The following MDFIC2 variants were observed in gnomAD, a reference collection of about 807,000 sequenced individuals.
The protein encoded by MDFIC2 is myoD family inhibitor domain-containing protein 2.
chr3:70,212,966 G>GTAT (rs1701365716), intron 2 of MDFIC2, among the ~76,000 whole-genome samples: 2 of 151,772 alleles, frequency 1.3e-5, no homozygotes, highest in African/African-American at 2.4e-5. Flanking sequence ...GCTTATTATA[G>GTAT]TATTATTATT....
rs116562610 is a variant in MDFIC2, at chr3:70,304,810, C to A, written c.88+7076G>T. ...CCCGTGGCTTCTAATTCCAAATAGG[C>A]GAAAAAAATATCCAGATTCCCAACT... is the stretch of plus-strand genomic sequence containing the variant. On this transcript the variant is annotated intron_variant, in intron 2 of 3. Transcript: ENST00000567252. Among the ~76,000 whole-genome samples the A allele has an allele frequency of 3.9e-3, 590 of 152,148 alleles. 1 individual carries two copies. The highest frequency in any genetic ancestry group is 5.2e-3 in the Non-Finnish European group (351 of 68,000).
chr3:70,267,578 A>C (rs796413029), intron 2 of MDFIC2, among the ~76,000 whole-genome samples: 1 of 132,806 alleles, frequency 7.5e-6, no homozygotes, highest in Non-Finnish European at 1.5e-5. Flanking sequence ...AATTTTTTGT[A>C]TTTTTTTTTT....
chr3:70,291,621 C>A lies in MDFIC2; in HGVS notation c.88+20265G>T, dbSNP rs57065481. Among the ~76,000 whole-genome samples, 348 of 152,238 alleles carry A rather than the reference C, an allele frequency of 2.3e-3. 2 individuals are homozygous for A. The highest frequency in any genetic ancestry group is 7.9e-3 in the African/African-American group (328 of 41,530). ...GAACATCGGATCCACAAATGACAAA[C>A]CCCTGGCTGTCACTTTCCCCTGTGG... On this transcript the variant is annotated intron_variant, in intron 2 of 3. Transcript: ENST00000567252.
At chr3:70,212,241 A>G (rs1442886929) in intron 2 of MDFIC2, among the ~76,000 whole-genome samples, 2 of 152,148 alleles carry the variant, frequency 1.3e-5, no homozygotes, top group Admixed American at 1.3e-4. Context: ...CAAGAAGCTC[A>G]CAGTAATCAC....
chr3:70,262,399 A>C (rs2106662689), intron 2 of MDFIC2, among the ~76,000 whole-genome samples: 1 of 152,298 alleles, frequency 6.6e-6, no homozygotes, highest in East Asian at 1.9e-4. Context: ...AACTTCAATC[A>C]GTGTTCTTTA....
chr3:70,268,005 T>A (rs866642972), intron 2 of MDFIC2, among the ~76,000 whole-genome samples: 13 of 147,162 alleles, frequency 8.8e-5, no homozygotes, highest in African/African-American at 3.3e-4. Flanking sequence ...CTCCCCTTTC[T>A]CCTCCCCTCC....
chr3:70,284,825 G>C (rs1702126107), intron 2 of MDFIC2, among the ~76,000 whole-genome samples: 1 of 152,120 alleles, frequency 6.6e-6, no homozygotes, highest in East Asian at 1.9e-4. Flanking sequence ...TCATGAAATA[G>C]TCTGTATAAC....
intron 2 of MDFIC2, among the ~76,000 whole-genome samples, chr3:70,236,685 T>C (rs1023992037): frequency 2.6e-5 from 4 of 152,100 alleles, no homozygotes; most frequent in African/African-American, 9.7e-5. Context: ...AGTCTCAACC[T>C]CCCAGGTCCA....
chr3:70,258,550 G>A (rs1264841818), intron 2 of MDFIC2, among the ~76,000 whole-genome samples: 1 of 152,012 alleles, frequency 6.6e-6, no homozygotes, highest in Non-Finnish European at 1.5e-5. Context: ...TTTTAAGTTA[G>A]TATGATCTGA....
intron 2 of MDFIC2, among the ~76,000 whole-genome samples, chr3:70,229,117 C>A (rs1701535590): frequency 6.6e-6 from 1 of 152,084 alleles, no homozygotes; most frequent in Non-Finnish European, 1.5e-5. Flanking sequence ...AAGGATGTAC[C>A]CTCTCTTTTA....
chr3:70,232,098 T>C (rs1357366797), intron 2 of MDFIC2, among the ~76,000 whole-genome samples: 3 of 152,144 alleles, frequency 2.0e-5, no homozygotes, highest in African/African-American at 7.2e-5. Flanking sequence ...TTCCAAGTGC[T>C]GAGGCTGACA....
At chr3:70,285,609 T>A (rs1702153246) in intron 2 of MDFIC2, among the ~76,000 whole-genome samples, 1 of 151,540 alleles carries the variant, frequency 6.6e-6, no homozygotes, top group Non-Finnish European at 1.5e-5. Flanking sequence ...TATTTCTAGT[T>A]CTAGATCCCT....
intron 2 of MDFIC2, among the ~76,000 whole-genome samples, chr3:70,234,732 T>C (rs186561069): frequency 6.6e-6 from 1 of 152,332 alleles, no homozygotes; most frequent in Admixed American, 6.5e-5. Context: ...TTGAAATCTT[T>C]GTGATCTACT....
At chr3:70,233,752 C>T (rs994573570) in intron 2 of MDFIC2, among the ~76,000 whole-genome samples, 18 of 152,032 alleles carry the variant, frequency 1.2e-4, no homozygotes, top group Non-Finnish European at 2.1e-4. Context: ...CAGTTTGTAC[C>T]TTTTTTTGGT....
At position 70,197,179 on chromosome 3, in the gene MDFIC2, C is replaced by A. The variant is rs562568366; in HGVS notation, c.317G>T (p.Cys106Phe). The change falls in exon 4 of 4, where the codon TGT (cysteine) becomes TTT (phenylalanine). Residue 106 changes from cysteine (C) to phenylalanine (F), a missense_variant. Cys to Phe is a radical substitution (Grantham distance 205, BLOSUM62 -2). Transcript: ENST00000567252. ...CAGACAGGCGAGGATAAGGGAGGCA[C>A]ACTCCTCTGTTTAAAGAAGAAGACC... Reference protein sequence around the residue: ...SVHHRDTDEECASLILACLFC... With the variant: ...SVHHRDTDEEFASLILACLFC... 2.0e-5 allele frequency: 8 copies of A among 398,486 alleles called. No homozygotes were observed. The South Asian group carries it at 8.9e-4, about 44-fold the overall frequency. 24.7% of individuals were successfully genotyped at this position (398,486 alleles called of 1,614,324 possible). A position where few individuals can be genotyped will look rare whatever the true frequency, so the allele number is the denominator to read the frequency against.
At chr3:70,216,003 A>T (rs1173562225) in intron 2 of MDFIC2, among the ~76,000 whole-genome samples, 1 of 152,088 alleles carries the variant, frequency 6.6e-6, no homozygotes. Context: ...ATTTGCATTG[A>T]TATCTGTAGA....
chr3:70,248,191 A>G (rs2106648310), intron 2 of MDFIC2, among the ~76,000 whole-genome samples: 1 of 152,216 alleles, frequency 6.6e-6, no homozygotes, highest in East Asian at 1.9e-4. Context: ...ATGAGTAAGT[A>G]AATAATTGCA....
At chr3:70,308,795 C>T (rs1702428822) in intron 2 of MDFIC2, among the ~76,000 whole-genome samples, 1 of 152,086 alleles carries the variant, frequency 6.6e-6, no homozygotes, top group Admixed American at 6.6e-5. Context: ...AATAGCAGTA[C>T]TCAGAATGGT....
rs1032189008 is a variant in MDFIC2 at position 70,196,598 on chromosome 3, C to A, written c.*328G>T. On this transcript the variant is annotated 3_prime_UTR_variant, in exon 4 of 4. Coordinates refer to ENST00000567252, the MANE Select transcript of MDFIC2 (RefSeq NM_001364677.1). ...AATGAGGTTGAATCCATAATGCAAGCTGATGAGTGCAATAACGCAGTGGCT... is the reference window on the plus strand; with the variant it reads ...AATGAGGTTGAATCCATAATGCAAGATGATGAGTGCAATAACGCAGTGGCT... 6.6e-6 allele frequency among the ~76,000 whole-genome samples: 1 copy of A among 152,150 alleles called. No homozygotes were observed. Among genetic ancestry groups the A allele is most frequent in the Admixed American group, 6.5e-5 (1 of 15,282 alleles).
Sources: allele counts gnomAD v4.1 joint callset (sites outside exome capture counted in the v4.1 genomes callset), GRCh38; gene constraint gnomAD v4.1.1; transcripts MANE v1.5; gene names NCBI Gene and HGNC (gene_info 2026-07-23, HGNC 2026-07-21).